The following SLC35F1 variants were observed in gnomAD, a reference collection of about 807,000 sequenced individuals.
SLC35F1 encodes solute carrier family 35 member F1.
In SLC35F1, 14 loss-of-function variants were observed where a neutral mutation model predicts 48.7. That is an observed-to-expected ratio of 0.29 (90% CI 0.19 to 0.45). SLC35F1 has a LOEUF of 0.45. Ranked by LOEUF, SLC35F1 falls within the 20% of genes least tolerant of loss-of-function variation. SLC35F1 has a pLI of 1.00. For missense variants in SLC35F1, 404 were observed against 500.0 expected (o/e 0.81, Z 1.83); for synonymous variants, 190 against 202.2 (o/e 0.94, Z 0.51).
At chr6:118,120,047 A>G (rs1041275279) in intron 1 of SLC35F1, among the ~76,000 whole-genome samples, 2 of 152,190 alleles carry the variant, frequency 1.3e-5, no homozygotes, top group African/African-American at 4.8e-5. Flanking sequence ...TTGACTACCA[A>G]TATAAACACA....
intron 2 of SLC35F1, among the ~76,000 whole-genome samples, chr6:118,231,981 C>G (rs529265830): frequency 1.6e-4 from 25 of 152,326 alleles, no homozygotes; most frequent in Non-Finnish European, 3.1e-4. Flanking sequence ...TACATTCTAA[C>G]TAGAAAACAA....
intron 1 of SLC35F1, among the ~76,000 whole-genome samples, chr6:118,039,491 AT>A: frequency 1.3e-5 from 2 of 151,922 alleles, no homozygotes; most frequent in South Asian, 4.1e-4. Flanking sequence ...ATATTAGGTC[AT>A]TTATATTGTT....
intron 1 of SLC35F1, among the ~76,000 whole-genome samples, chr6:118,089,683 C>A (rs1460523399): frequency 6.6e-6 from 1 of 152,096 alleles, no homozygotes; most frequent in African/African-American, 2.4e-5. Flanking sequence ...AAAGACAGAC[C>A]CTTGGAAGAG....
At chr6:118,125,376 T>TGGG (rs11355076) in intron 1 of SLC35F1, among the ~76,000 whole-genome samples, 1 of 142,802 alleles carries the variant, frequency 7.0e-6, no homozygotes, top group African/African-American at 2.6e-5. Context: ...TATGGTATTT[T>TGGG]GGGGGGGGGG....
intron 1 of SLC35F1, among the ~76,000 whole-genome samples, chr6:118,134,310 A>G (rs993509700): frequency 2.0e-5 from 3 of 151,550 alleles, no homozygotes; most frequent in Non-Finnish European, 4.4e-5. Context: ...TAGTCCATTT[A>G]TCTCATTGCT....
chr6:118,090,978 A>T (rs906466858), intron 1 of SLC35F1, among the ~76,000 whole-genome samples: 1 of 152,140 alleles, frequency 6.6e-6, no homozygotes, highest in Admixed American at 6.5e-5. Context: ...TTGAAGGAGG[A>T]GCTGATGGGA....
intron 7 of SLC35F1, among the ~76,000 whole-genome samples, chr6:118,313,589 C>G (rs1270336797): frequency 2.0e-5 from 3 of 152,198 alleles, no homozygotes; most frequent in Admixed American, 2.0e-4. Flanking sequence ...TGCCCTGATG[C>G]AGCTGTCAGT....
At chr6:118,043,673 A>G (rs1391312750) in intron 1 of SLC35F1, among the ~76,000 whole-genome samples, 2 of 141,264 alleles carry the variant, frequency 1.4e-5, no homozygotes, top group Non-Finnish European at 3.2e-5. Context: ...TGGGATGGGG[A>G]GTGTTAGACA....
At chr6:118,018,501 G>T (rs535794937) in intron 1 of SLC35F1, among the ~76,000 whole-genome samples, 1 of 152,054 alleles carries the variant, frequency 6.6e-6, no homozygotes, top group African/African-American at 2.4e-5. Flanking sequence ...TTGTAGATTG[G>T]CAAATTATGT....
intron 1 of SLC35F1, among the ~76,000 whole-genome samples, chr6:117,966,140 C>CCT (rs1554219378): frequency 1.6e-5 from 2 of 128,200 alleles, no homozygotes; most frequent in African/African-American, 5.7e-5. Context: ...CGCCCCCCCC[C>CCT]CCACTCCCGC....
chr6:118,233,336 A>G (rs559489419), intron 2 of SLC35F1, among the ~76,000 whole-genome samples: 3 of 152,186 alleles, frequency 2.0e-5, no homozygotes, highest in South Asian at 2.1e-4. Flanking sequence ...GACAAGACAA[A>G]TCCTGACGAA....
intron 1 of SLC35F1, among the ~76,000 whole-genome samples, chr6:117,956,252 C>T (rs1028176100): frequency 3.3e-5 from 5 of 152,160 alleles, no homozygotes; most frequent in Non-Finnish European, 5.9e-5. Flanking sequence ...ATCTTCCTAC[C>T]GCACAGAATG....
At chr6:118,238,149 C>A (rs1424632078) in intron 3 of SLC35F1, among the ~76,000 whole-genome samples, 2 of 152,256 alleles carry the variant, frequency 1.3e-5, no homozygotes, top group Admixed American at 1.3e-4. Flanking sequence ...AAAGTTAATA[C>A]CCTGCTCAAG....
intron 3 of SLC35F1, among the ~76,000 whole-genome samples, chr6:118,261,788 A>G (rs1271248414): frequency 6.6e-6 from 1 of 152,082 alleles, no homozygotes; most frequent in African/African-American, 2.4e-5. Context: ...AGAAGCACCG[A>G]TGACCCAGAG....
At chr6:118,129,630 T>C (rs1773681116) in intron 1 of SLC35F1, among the ~76,000 whole-genome samples, 1 of 151,922 alleles carries the variant, frequency 6.6e-6, no homozygotes, top group Admixed American at 6.6e-5. Context: ...ATTCGAGGGA[T>C]GTTATGGAAA....
At chr6:117,986,975 A>T (rs561691647) in intron 1 of SLC35F1, among the ~76,000 whole-genome samples, 4 of 152,310 alleles carry the variant, frequency 2.6e-5, no homozygotes, top group South Asian at 2.1e-4. Flanking sequence ...TATAATAATT[A>T]AAAAATGCCT....
intron 3 of SLC35F1, among the ~76,000 whole-genome samples, chr6:118,265,016 T>C (rs959990395): frequency 3.9e-5 from 6 of 152,232 alleles, no homozygotes; most frequent in African/African-American, 1.4e-4. Context: ...GCCATCACAG[T>C]GCTACTTAGC....
At chr6:117,917,324 T>C (rs1775839315) in intron 1 of SLC35F1, among the ~76,000 whole-genome samples, 1 of 151,276 alleles carries the variant, frequency 6.6e-6, no homozygotes, top group Non-Finnish European at 1.5e-5. Flanking sequence ...GGGGAACAAG[T>C]GGAAGATTTT....
chr6:118,230,051 A>G (rs902655136), intron 2 of SLC35F1, among the ~76,000 whole-genome samples: 4 of 152,224 alleles, frequency 2.6e-5, no homozygotes, highest in South Asian at 2.1e-4. Context: ...GTATAAAGAC[A>G]TAAGTGTCAG....
Sources: gnomAD v4.1 joint callset for allele counts (sites outside exome capture counted in the v4.1 genomes callset) on GRCh38, gnomAD v4.1.1 for gene constraint, MANE v1.5 for transcripts, NCBI Gene and HGNC (gene_info 2026-07-23, HGNC 2026-07-21) for gene names.